RABGAP1L: variants seen among roughly 807,000 people sequenced by gnomAD.
The protein encoded by RABGAP1L is rab GTPase-activating protein 1-like.
In RABGAP1L, 63 loss-of-function variants were observed where a neutral mutation model predicts 137.7. That is an observed-to-expected ratio of 0.46 (90% confidence interval 0.37 to 0.56). The LOEUF (loss-of-function observed/expected upper bound fraction) is 0.56, where lower values mean the gene tolerates loss of function less well. Among genes scored for constraint, RABGAP1L ranks in the 20% least tolerant of loss-of-function variants. The pLI is 0.00. For missense variants in RABGAP1L, 1,095 were observed against 1,244.0 expected (o/e 0.88, Z 1.80); for synonymous variants, 431 against 433.7 (o/e 0.99, Z 0.08).
At chr1:174,877,440 A>G in intron 19 of RABGAP1L, 1 of 1,607,778 alleles carries the variant, frequency 6.2e-7, no homozygotes, top group Non-Finnish European at 8.5e-7. Context: ...TTCCTTGGAT[A>G]GTCTGGTCTG....
chr1:174,921,365 C>T (rs1217470716), intron 19 of RABGAP1L, among the ~76,000 whole-genome samples: 1 of 152,116 alleles, frequency 6.6e-6, no homozygotes, highest in Non-Finnish European at 1.5e-5. Context: ...TTCCCATTGC[C>T]CTCTCTCTTA....
intron 13 of RABGAP1L, among the ~76,000 whole-genome samples, chr1:174,616,205 A>G (rs930792669): frequency 5.3e-5 from 8 of 152,130 alleles, no homozygotes; most frequent in African/African-American, 1.7e-4. Flanking sequence ...AGCTGTTCCT[A>G]TTCGGCCATT....
At chr1:174,386,836 T>G (rs1193555511) in intron 12 of RABGAP1L, among the ~76,000 whole-genome samples, 4 of 152,134 alleles carry the variant, frequency 2.6e-5, no homozygotes, top group Non-Finnish European at 5.9e-5. Flanking sequence ...CATGTAGAAG[T>G]TCTAGTGAGT....
intron 13 of RABGAP1L, among the ~76,000 whole-genome samples, chr1:174,486,520 G>A (rs1302282059): frequency 1.3e-5 from 2 of 151,396 alleles, no homozygotes; most frequent in African/African-American, 2.4e-5. Flanking sequence ...CTAATTTTTC[G>A]TATTTTTAGT....
chr1:174,892,538 C>T (rs1310420647), intron 19 of RABGAP1L: 1 of 519,740 alleles, frequency 1.9e-6, no homozygotes, highest in Non-Finnish European at 3.8e-6. Flanking sequence ...TTTCAATAGT[C>T]TTAGCTTTGA....
intron 14 of RABGAP1L, among the ~76,000 whole-genome samples, chr1:174,640,878 C>T (rs983199520): frequency 2.7e-5 from 4 of 150,322 alleles, no homozygotes; most frequent in African/African-American, 7.3e-5. Flanking sequence ...AAGAAAGCTG[C>T]ATCTTCTTCA....
intron 13 of RABGAP1L, among the ~76,000 whole-genome samples, chr1:174,550,899 C>CACATAT (rs1553330109): frequency 1.9e-5 from 1 of 51,848 alleles, no homozygotes; most frequent in African/African-American, 1.1e-4. Context: ...TATATATACA[C>CACATAT]ACACACATAT....
chr1:174,255,233 A>G (rs1247471706), intron 7 of RABGAP1L, among the ~76,000 whole-genome samples: 2 of 152,208 alleles, frequency 1.3e-5, no homozygotes, highest in South Asian at 2.1e-4. Flanking sequence ...CTTAAAATTG[A>G]TGAAAAAGAG....
intron 14 of RABGAP1L, among the ~76,000 whole-genome samples, chr1:174,655,396 C>T (rs910374314): frequency 4.7e-4 from 71 of 152,212 alleles, no homozygotes; most frequent in African/African-American, 1.7e-3. Flanking sequence ...TTGAATATCC[C>T]TCAATTTGGG....
At chr1:174,741,262 G>T (rs535271261) in intron 17 of RABGAP1L, among the ~76,000 whole-genome samples, 1 of 152,144 alleles carries the variant, frequency 6.6e-6, no homozygotes, top group African/African-American at 2.4e-5. Context: ...TTTGTATATG[G>T]TGAGATAATG....
chr1:174,958,668 T>C (rs1668829316), intron 20 of RABGAP1L, among the ~76,000 whole-genome samples: 2 of 152,210 alleles, frequency 1.3e-5, no homozygotes, highest in Admixed American at 1.3e-4. Flanking sequence ...CTTATCTCTG[T>C]TGCTGAATTG....
At chr1:174,649,551 G>C (rs1177999325) in intron 14 of RABGAP1L, among the ~76,000 whole-genome samples, 3 of 152,076 alleles carry the variant, frequency 2.0e-5, no homozygotes, top group African/African-American at 4.8e-5. Context: ...GGCTTGTAGG[G>C]TTTCCTCAGA....
At chr1:174,583,576 A>G (rs1668897138) in intron 13 of RABGAP1L, among the ~76,000 whole-genome samples, 1 of 152,134 alleles carries the variant, frequency 6.6e-6, no homozygotes. Flanking sequence ...CATAATCATG[A>G]TTCACCAATG....
At chr1:174,337,510 A>G (rs1558144167) in intron 11 of RABGAP1L, among the ~76,000 whole-genome samples, 1 of 152,180 alleles carries the variant, frequency 6.6e-6, no homozygotes, top group Non-Finnish European at 1.5e-5. Context: ...TAATTGTATA[A>G]AGCAGTGGAA....
In RABGAP1L at chr1:174,321,437, T is replaced by TG. The variant is rs897237083; in HGVS notation, c.1465+16316dup. On this transcript the variant is annotated intron_variant, in intron 11 of 25. Transcript: ENST00000681986. Reference sequence around the variant, plus strand: ...ATAAAAACTTGCTGGTTTTGTGGCTTGGGGGGCATCATGGAAACTGCCGAC... The same window carrying TG: ...ATAAAAACTTGCTGGTTTTGTGGCTTGGGGGGGCATCATGGAAACTGCCGAC... 3.5e-4 allele frequency among the ~76,000 whole-genome samples: 54 copies of TG among 152,220 alleles called. No individual in the cohort carries two copies. The South Asian group carries it at 5.0e-3, about 14-fold the overall frequency.
chr1:174,385,397 A>G (rs1686675852), intron 12 of RABGAP1L, among the ~76,000 whole-genome samples: 1 of 152,230 alleles, frequency 6.6e-6, no homozygotes, highest in Admixed American at 6.5e-5. Context: ...GTTGAGATGC[A>G]TTTAAGACAT....
At chr1:174,801,773 AGTTTT>A (rs56317866) in intron 18 of RABGAP1L, among the ~76,000 whole-genome samples, 1 of 151,528 alleles carries the variant, frequency 6.6e-6, no homozygotes. Context: ...TTTAGAAAGG[AGTTTT>A]GTTTTGTTTT....
intron 13 of RABGAP1L, among the ~76,000 whole-genome samples, chr1:174,500,082 T>TC (rs200425016): frequency 0.01 from 1,399 of 136,904 alleles, 21 homozygotes; most frequent in African/African-American, 0.037. Flanking sequence ...GGCTTCTTCT[T>TC]TTTTTTTTTT....
chr1:174,472,693 G>A (rs1307949529), intron 13 of RABGAP1L, among the ~76,000 whole-genome samples: 1 of 152,190 alleles, frequency 6.6e-6, no homozygotes, highest in African/African-American at 2.4e-5. Context: ...GAGCCTAGGA[G>A]TTCAGGGTTT....
Sources: allele counts gnomAD v4.1 joint callset (sites outside exome capture counted in the v4.1 genomes callset), GRCh38; gene constraint gnomAD v4.1.1; transcripts MANE v1.5; gene names NCBI Gene and HGNC (gene_info 2026-07-23, HGNC 2026-07-21).